PTPRM: variants seen among roughly 807,000 people sequenced by gnomAD.
PTPRM encodes receptor-type tyrosine-protein phosphatase mu.
PTPRM carries 47 observed loss-of-function variants against 186.7 expected under a neutral mutation model. That is an observed-to-expected ratio of 0.25 (90% CI 0.20 to 0.32). PTPRM has a LOEUF of 0.32. Among genes scored for constraint, PTPRM ranks in the 10% least tolerant of loss-of-function variants. The probability of loss-of-function intolerance (pLI) is 1.00; values close to 1 mark genes in which losing one functional copy is unlikely to be tolerated. For synonymous variants in PTPRM, 668 were observed against 674.9 expected (o/e 0.99, Z 0.16); for missense variants, 1,494 against 1,865.0 (o/e 0.80, Z 3.66).
At chr18:7,914,484 A>G (rs1050596064) in intron 4 of PTPRM, among the ~76,000 whole-genome samples, 90 of 152,262 alleles carry the variant, frequency 5.9e-4, no homozygotes, top group African/African-American at 2.2e-3. Flanking sequence ...TTTTGGACCT[A>G]TAATCTCATT....
chr18:7,959,019 C>T (rs1338235778), intron 7 of PTPRM, among the ~76,000 whole-genome samples: 1 of 152,124 alleles, frequency 6.6e-6, no homozygotes, highest in Non-Finnish European at 1.5e-5. Context: ...AGACATAGGA[C>T]TAGAGAAAAA....
Position 7,567,939 on chromosome 18 carries a change from G to A in PTPRM, c.73+48G>A. 1.3e-6 allele frequency: 2 copies of A among 1,496,546 alleles called. No homozygotes were observed. The allele number at this position is 1,496,546 out of a possible 1,614,324, so 92.7% of individuals were successfully genotyped here. On this transcript the variant is annotated intron_variant, in intron 1 of 32. Coordinates refer to ENST00000580170, the MANE Select transcript of PTPRM (RefSeq NM_001105244.2). The surrounding 1 kb of genome is among the most constrained non-coding windows in gnomAD (Gnocchi z 4.3). Reference sequence around the variant, plus strand: ...CCCCCGAGGCGCGCGGGCCGGCGCGGGACGCCCGGGACGCCGACAGCTCCC... The same window carrying A: ...CCCCCGAGGCGCGCGGGCCGGCGCGAGACGCCCGGGACGCCGACAGCTCCC...
chr18:7,775,796 ATTTCAGAATCT>A (rs2042553848), intron 2 of PTPRM, among the ~76,000 whole-genome samples: 1 of 152,216 alleles, frequency 6.6e-6, no homozygotes, highest in Non-Finnish European at 1.5e-5. Context: ...AAGCCCAAGT[ATTTCAGAATCT>A]TTTCTAGCCT....
At chr18:8,083,570 C>T (rs886824557) in intron 9 of PTPRM, among the ~76,000 whole-genome samples, 1 of 152,118 alleles carries the variant, frequency 6.6e-6, no homozygotes, top group Admixed American at 6.6e-5. Flanking sequence ...TCGTTTCTTC[C>T]ATGGAACTTG....
chr18:7,877,336 C>A (rs1189575866), intron 2 of PTPRM, among the ~76,000 whole-genome samples: 1 of 152,064 alleles, frequency 6.6e-6, no homozygotes, highest in African/African-American at 2.4e-5. Context: ...AAGTGCCATG[C>A]CTAGTTTGTA....
At chr18:7,744,927 C>T (rs1229315399) in intron 1 of PTPRM, among the ~76,000 whole-genome samples, 1 of 152,030 alleles carries the variant, frequency 6.6e-6, no homozygotes, top group African/African-American at 2.4e-5. Flanking sequence ...AGCCCTGAAC[C>T]CCAGCATGCC....
intron 1 of PTPRM, among the ~76,000 whole-genome samples, chr18:7,769,559 G>A (rs1422382092): frequency 6.6e-6 from 1 of 152,160 alleles, no homozygotes; most frequent in African/African-American, 2.4e-5. Context: ...TGAACTTAGT[G>A]ACTTTTTAAA....
At chr18:7,904,935 A>G (rs1264864138) in intron 3 of PTPRM, among the ~76,000 whole-genome samples, 1 of 152,200 alleles carries the variant, frequency 6.6e-6, no homozygotes, top group East Asian at 1.9e-4. Flanking sequence ...TAGTCAATTA[A>G]TCAGATTAAG....
chr18:8,393,934 A>G (rs373643788), intron 31 of PTPRM, among the ~76,000 whole-genome samples: 3 of 151,876 alleles, frequency 2.0e-5, no homozygotes, highest in Admixed American at 6.6e-5. Flanking sequence ...GACTACAAGC[A>G]CCCGCCACCA....
At chr18:8,224,392 A>G (rs992833369) in intron 14 of PTPRM, among the ~76,000 whole-genome samples, 7 of 152,234 alleles carry the variant, frequency 4.6e-5, no homozygotes, top group African/African-American at 1.7e-4. Context: ...TCTGTTTTCA[A>G]AAATCAGCCT....
chr18:7,788,983 T>C (rs114665230), intron 2 of PTPRM, among the ~76,000 whole-genome samples: 1,795 of 152,232 alleles, frequency 0.012, 41 homozygotes, highest in African/African-American at 0.041. Flanking sequence ...TAAATACTTA[T>C]GAAGTATGTA....
At chr18:8,206,268 A>ATTTTATTTTATTTTTTT (rs1238112461) in intron 14 of PTPRM, among the ~76,000 whole-genome samples, 1 of 148,988 alleles carries the variant, frequency 6.7e-6, no homozygotes, top group African/African-American at 2.6e-5. Context: ...ATTTTATTTT[A>ATTTTATTTTATTTTTTT]TTTTGAGACG....
intron 19 of PTPRM, among the ~76,000 whole-genome samples, chr18:8,274,072 G>A (rs994911303): frequency 3.3e-5 from 5 of 152,168 alleles, no homozygotes; most frequent in Non-Finnish European, 7.3e-5. Flanking sequence ...AATAGATGGA[G>A]CATTAAGCTC....
intron 22 of PTPRM, among the ~76,000 whole-genome samples, chr18:8,341,126 A>G (rs1220231900): frequency 6.6e-6 from 1 of 152,188 alleles, no homozygotes; most frequent in Non-Finnish European, 1.5e-5. Flanking sequence ...CTTGCAGAAG[A>G]TGTCACCTTT....
intron 13 of PTPRM, among the ~76,000 whole-genome samples, chr18:8,137,089 TC>T (rs1317286909): frequency 6.6e-6 from 1 of 152,230 alleles, no homozygotes; most frequent in African/African-American, 2.4e-5. Context: ...TTTACATATT[TC>T]CACTGCTTCC....
At chr18:8,072,973 G>T (rs2089580424) in intron 8 of PTPRM, among the ~76,000 whole-genome samples, 1 of 151,388 alleles carries the variant, frequency 6.6e-6, no homozygotes, top group Admixed American at 6.6e-5. Context: ...CCCCATTAGG[G>T]TTTCCTGTCA....
chr18:8,289,539 T>TATATATATACATATATATACAC (rs1568674684), intron 19 of PTPRM, among the ~76,000 whole-genome samples: 5 of 56,866 alleles, frequency 8.8e-5, no homozygotes, highest in African/African-American at 6.0e-4. Context: ...TATATACACA[T>TATATATATACATATATATACAC]ATATATATAT....
chr18:7,813,586 G>A (rs866490779), intron 2 of PTPRM, among the ~76,000 whole-genome samples: 3 of 152,092 alleles, frequency 2.0e-5, no homozygotes, highest in Admixed American at 6.5e-5. Flanking sequence ...CTTCTGGACC[G>A]AGAGGATATG....
chr18:8,278,750 G>GGGTC (rs1200753389), intron 19 of PTPRM, among the ~76,000 whole-genome samples: 4 of 152,150 alleles, frequency 2.6e-5, no homozygotes, highest in African/African-American at 9.7e-5. Context: ...GCAAGAGGGA[G>GGGTC]GGTCGCCTTG....
Sources: allele counts gnomAD v4.1 joint callset (sites outside exome capture counted in the v4.1 genomes callset), GRCh38; gene constraint gnomAD v4.1.1; non-coding constraint Gnocchi (gnomAD v3.1); transcripts MANE v1.5; gene names NCBI Gene and HGNC (gene_info 2026-07-23, HGNC 2026-07-21).